The following AFDN variants were observed in gnomAD, a reference collection of about 807,000 sequenced individuals.
AFDN encodes afadin.
A neutral mutation model predicts 216.6 loss-of-function variants in AFDN; 68 were observed. The ratio of observed to expected loss-of-function variants is 0.31; its 90% CI spans 0.26 to 0.38. The LOEUF (loss-of-function observed/expected upper bound fraction) is 0.38. Among genes scored for constraint, AFDN ranks in the 10% least tolerant of loss-of-function variants. AFDN has a pLI of 1.00. For synonymous variants in AFDN, 868 were observed against 853.7 expected, an observed-to-expected ratio of 1.02 and a Z score of -0.29; for missense variants, 2,136 against 2,342.0, an observed-to-expected ratio of 0.91 and a Z score of 1.82.
intron 26 of AFDN, among the ~76,000 whole-genome samples, chr6:167,944,594 G>A (rs2128636764): frequency 6.6e-6 from 1 of 152,264 alleles, no homozygotes; most frequent in Non-Finnish European, 1.5e-5. Flanking sequence ...TGGCAAGGGG[G>A]ATCCATTCTG....
intron 1 of AFDN, among the ~76,000 whole-genome samples, chr6:167,860,803 A>G (rs1783475399): frequency 1.3e-5 from 2 of 152,196 alleles, no homozygotes; most frequent in Non-Finnish European, 2.9e-5. Flanking sequence ...CGTGAGCAGG[A>G]AGAATACTTG....
At chr6:167,875,956 A>G (rs1453744869) in intron 5 of AFDN, among the ~76,000 whole-genome samples, 1 of 152,204 alleles carries the variant, frequency 6.6e-6, no homozygotes, top group Non-Finnish European at 1.5e-5. Flanking sequence ...CCATAGTATC[A>G]TTATCATATA....
intron 1 of AFDN, 152 bp downstream of exon 1, chr6:167,827,389 A>G (rs1446157235): frequency 4.5e-5 from 3 of 66,738 alleles, no homozygotes; most frequent in African/African-American, 1.8e-4. Flanking sequence ...CCCCAGGCCC[A>G]CCGCGGGCCC....
intron 6 of AFDN, among the ~76,000 whole-genome samples, chr6:167,883,789 CAGGG>C (rs1786443528): frequency 6.6e-6 from 1 of 152,140 alleles, no homozygotes; most frequent in Non-Finnish European, 1.5e-5. Flanking sequence ...ACTGACTGAC[CAGGG>C]TGGTGGTTGC....
chr6:167,934,541 A>G (rs1389336894), intron 23 of AFDN, among the ~76,000 whole-genome samples: 1 of 152,224 alleles, frequency 6.6e-6, no homozygotes, highest in Non-Finnish European at 1.5e-5. Flanking sequence ...GAGTGTCAAC[A>G]GAAGTATGCC....
Position 167,917,295 on chromosome 6 carries a change from GA to G in AFDN, c.2709+69del, listed in dbSNP as rs1791204903. 6.5e-6 allele frequency: 9 copies of G among 1,379,392 alleles called. No individual in the cohort carries two copies. The South Asian group carries it at 1.4e-4, about 21-fold the overall frequency. 85.4% of individuals were successfully genotyped at this position (1,379,392 alleles called of 1,614,324 possible). ...CATGTTTGCATGGGGACATTTGGAT[GA>G]AAAAACAAAAGGAAATCCTATTTAA... On this transcript the variant is annotated intron_variant, in intron 20 of 33. Transcript: ENST00000683244.
At chr6:167,826,635 A>G (rs1779076528), upstream of AFDN, 1 of 500,440 alleles carries the variant, frequency 2.0e-6, no homozygotes, top group East Asian at 5.5e-5. Context: ...TAGATCCAGC[A>G]GCGCGCGTCC....
chr6:167,906,370 A>T (rs1412557114), intron 12 of AFDN, among the ~76,000 whole-genome samples: 1 of 152,206 alleles, frequency 6.6e-6, no homozygotes, highest in African/African-American at 2.4e-5. Context: ...CCATTTATGG[A>T]AAATATGAAA....
At position 167,965,991 on chromosome 6, in the gene AFDN, G is replaced by A; in HGVS notation, c.5203G>A (p.Ala1735Thr). ...CCTCTCCCCCGACTCGCTGTTCACT[G>A]CCAAGTTTGTTGCATACAATGAGGA... Reference protein sequence around the residue: ...QVLSPDSLFTAKFVAYNEEEE... With the variant: ...QVLSPDSLFTTKFVAYNEEEE... The change falls in exon 32 of 34, where the codon GCC (alanine) becomes ACC (threonine). Residue 1735 changes from alanine (A) to threonine (T), a missense_variant. Ala to Thr is a moderately conservative substitution (Grantham distance 58). Coordinates refer to ENST00000683244, the MANE Select transcript of AFDN (RefSeq NM_001386888.1). 6.4e-7 allele frequency: 1 copy of A among 1,550,412 alleles called. No individual in the cohort carries two copies.
At chr6:167,852,422 CTAGCTT>C (rs1782425336) in intron 1 of AFDN, among the ~76,000 whole-genome samples, 1 of 152,160 alleles carries the variant, frequency 6.6e-6, no homozygotes, top group Admixed American at 6.5e-5. Context: ...ACATGTTTCT[CTAGCTT>C]TAAAGGCTTG....
At chr6:167,831,502 C>G (rs1779829144) in intron 1 of AFDN, among the ~76,000 whole-genome samples, 1 of 152,160 alleles carries the variant, frequency 6.6e-6, no homozygotes, top group Non-Finnish European at 1.5e-5. Context: ...GTTGAGTCAT[C>G]TTAAGTTGAA....
At chr6:167,956,324 A>G (rs1242897905) in intron 30 of AFDN, among the ~76,000 whole-genome samples, 1 of 152,030 alleles carries the variant, frequency 6.6e-6, no homozygotes, top group Non-Finnish European at 1.5e-5. Flanking sequence ...GTAGGTAATT[A>G]GAGAAATGAG....
rs762316069 is a variant in AFDN, at chr6:167,946,713, A to T, written c.3365A>T (p.Asp1122Val). 1.2e-6 allele frequency: 2 copies of T among 1,613,776 alleles called. No homozygotes were observed. Among genetic ancestry groups the T allele is most frequent in the Admixed American group, 1.7e-5 (1 of 59,944 alleles). The change falls in exon 27 of 34, where the codon GAT (aspartate) becomes GTT (valine). Residue 1122 changes from aspartate (D) to valine (V), a missense_variant. Physicochemically the swap from Asp to Val is radical, Grantham distance 152. Transcript: ENST00000683244. Reference sequence around the variant, plus strand: ...GAATATGCTTTGATTCCAGTTTCAGATCGTCGTGGCTCAGGTAAACCCCGA... The same window carrying T: ...GAATATGCTTTGATTCCAGTTTCAGTTCGTCGTGGCTCAGGTAAACCCCGA... ...QPSPMMQRIS[D>V]RRGSGKPRPK... is the part of the protein sequence containing the mutation.
chr6:167,918,657 C>A, intron 20 of AFDN, 78 bp from the exon 21 acceptor site: 1 of 1,296,448 alleles, frequency 7.7e-7, no homozygotes. Context: ...AGTGAGCAGA[C>A]AGCCTTTGAA....
chr6:167,953,318 G>T (rs1796192885), intron 30 of AFDN, among the ~76,000 whole-genome samples: 2 of 152,164 alleles, frequency 1.3e-5, no homozygotes, highest in Admixed American at 6.5e-5. Context: ...ATAATAATTT[G>T]TGAGTCCTTA....
At chr6:167,930,862 A>T (rs1188397776) in intron 23 of AFDN, among the ~76,000 whole-genome samples, 1 of 152,202 alleles carries the variant, frequency 6.6e-6, no homozygotes, top group Non-Finnish European at 1.5e-5. Flanking sequence ...ATGAGGCATG[A>T]TATGATTAGA....
intron 13 of AFDN, among the ~76,000 whole-genome samples, chr6:167,910,112 G>T (rs1380043216): frequency 6.6e-6 from 1 of 152,160 alleles, no homozygotes; most frequent in Non-Finnish European, 1.5e-5. Flanking sequence ...CAAAGATAAG[G>T]AAATCTAAAC....
chr6:167,907,973 A>G (rs1284309116), intron 13 of AFDN, among the ~76,000 whole-genome samples: 1 of 152,252 alleles, frequency 6.6e-6, no homozygotes, highest in Non-Finnish European at 1.5e-5. Flanking sequence ...GATACTGACT[A>G]GTGGAACCAG....
rs3213592 is a variant in AFDN at position 167,948,199 on chromosome 6, T to C, written c.3646-94T>C. On this transcript the variant is annotated intron_variant, in intron 28 of 33. Coordinates refer to ENST00000683244, the MANE Select transcript of AFDN (RefSeq NM_001386888.1). ...ACTTTTTAATGCAGTATTTAACATA[T>C]ACTATTTTTTAAATTTTAAAACAGA... is the stretch of plus-strand genomic sequence containing the variant. 88 of 1,062,864 alleles carry C rather than the reference T, an allele frequency of 8.3e-5. No homozygotes were observed. The East Asian group carries it at 1.6e-3, about 19-fold the overall frequency. The allele number at this position is 1,062,864 out of a possible 1,614,324, so 65.8% of individuals were successfully genotyped here.
Sources: gnomAD v4.1 joint callset for allele counts (sites outside exome capture counted in the v4.1 genomes callset) on GRCh38, gnomAD v4.1.1 for gene constraint, MANE v1.5 for transcripts, NCBI Gene and HGNC (gene_info 2026-07-23, HGNC 2026-07-21) for gene names.